Variants in HS3ST4 observed in about 807,000 individuals in gnomAD.
The protein encoded by HS3ST4 is heparan sulfate-glucosamine 3-sulfotransferase 4, also known as heparan sulfate glucosamine 3-O-sulfotransferase 4.
HS3ST4 carries 17 observed loss-of-function variants against 29.2 expected under a neutral mutation model. That is an observed-to-expected ratio of 0.58 (90% CI 0.40 to 0.87). The LOEUF is 0.87. Ranked by LOEUF, HS3ST4 falls within the 40% of genes least tolerant of loss-of-function variation. HS3ST4 has a pLI of 0.00. For missense variants in HS3ST4, 627 were observed against 634.5 expected (o/e 0.99, Z 0.13); for synonymous variants, 314 against 285.7 (o/e 1.10, Z -1.00).
At chr16:25,878,648 G>T (rs1213189968) in intron 1 of HS3ST4, among the ~76,000 whole-genome samples, 4 of 152,130 alleles carry the variant, frequency 2.6e-5, no homozygotes, top group Non-Finnish European at 5.9e-5. Flanking sequence ...GATGGTTGTT[G>T]GGACCCAAGG....
At chr16:26,102,072 AAACATT>A (rs1898996541) in intron 1 of HS3ST4, among the ~76,000 whole-genome samples, 1 of 152,202 alleles carries the variant, frequency 6.6e-6, no homozygotes, top group Non-Finnish European at 1.5e-5. Flanking sequence ...AACAGAAAGA[AAACATT>A]GTATTATACA....
chr16:25,802,672 T>G (rs904352310), intron 1 of HS3ST4, among the ~76,000 whole-genome samples: 8 of 152,080 alleles, frequency 5.3e-5, no homozygotes, highest in Non-Finnish European at 1.0e-4. Flanking sequence ...GATTACTGTT[T>G]AAGGACTTAA....
At chr16:25,740,534 A>G (rs868800457) in intron 1 of HS3ST4, among the ~76,000 whole-genome samples, 1 of 152,214 alleles carries the variant, frequency 6.6e-6, no homozygotes, top group Non-Finnish European at 1.5e-5. Flanking sequence ...GAAGGACAGC[A>G]ATGAATAACA....
At chr16:26,127,231 A>G (rs901394139) in intron 1 of HS3ST4, among the ~76,000 whole-genome samples, 2 of 152,164 alleles carry the variant, frequency 1.3e-5, no homozygotes, top group Non-Finnish European at 2.9e-5. Flanking sequence ...TCATTGGGAA[A>G]ATCAAAGCCA....
intron 1 of HS3ST4, among the ~76,000 whole-genome samples, chr16:26,062,106 AT>A (rs1898483097): frequency 6.6e-6 from 1 of 152,202 alleles, no homozygotes; most frequent in South Asian, 2.1e-4. Flanking sequence ...GGACAAAAAG[AT>A]TAATGAGCTT....
chr16:26,099,219 G>C (rs1313185248), intron 1 of HS3ST4, among the ~76,000 whole-genome samples: 2 of 152,186 alleles, frequency 1.3e-5, no homozygotes, highest in Non-Finnish European at 2.9e-5. Flanking sequence ...CAATGGTGCA[G>C]TCACAGTTTA....
At chr16:25,778,790 C>T (rs542834500) in intron 1 of HS3ST4, among the ~76,000 whole-genome samples, 21 of 151,852 alleles carry the variant, frequency 1.4e-4, no homozygotes, top group African/African-American at 3.9e-4. Flanking sequence ...GAGATGAAGA[C>T]GAAGGAGAAG....
intron 1 of HS3ST4, among the ~76,000 whole-genome samples, chr16:25,700,358 G>A (rs1243161804): frequency 6.6e-6 from 1 of 152,190 alleles, no homozygotes; most frequent in African/African-American, 2.4e-5. Context: ...CATTTAGGAT[G>A]CCAGGAGCCT....
chr16:25,929,871 G>C (rs1416544391), intron 1 of HS3ST4, among the ~76,000 whole-genome samples: 2 of 152,172 alleles, frequency 1.3e-5, no homozygotes, highest in Non-Finnish European at 2.9e-5. Flanking sequence ...TGCGTCATGG[G>C]CTTTTGTTGT....
intron 1 of HS3ST4, among the ~76,000 whole-genome samples, chr16:25,750,935 A>G (rs1455072135): frequency 1.3e-5 from 2 of 151,998 alleles, no homozygotes; most frequent in Non-Finnish European, 2.9e-5. Context: ...TTTCATTTAG[A>G]TTGTTGTTAT....
chr16:25,903,613 G>T (rs927504283), intron 1 of HS3ST4, among the ~76,000 whole-genome samples: 1 of 152,012 alleles, frequency 6.6e-6, no homozygotes, highest in East Asian at 1.9e-4. Flanking sequence ...GAGCATACTT[G>T]TCCACATCTT....
chr16:26,085,899 A>AATAATC (rs1230656283), intron 1 of HS3ST4, among the ~76,000 whole-genome samples: 1 of 150,054 alleles, frequency 6.7e-6, no homozygotes, highest in African/African-American at 2.4e-5. Context: ...TAATAATAAT[A>AATAATC]ATAATAATAA....
chr16:25,946,707 G>A (rs993940798), intron 1 of HS3ST4, among the ~76,000 whole-genome samples: 9 of 152,166 alleles, frequency 5.9e-5, no homozygotes, highest in Non-Finnish European at 1.2e-4. Context: ...TGTAACAGAA[G>A]TGCATGGTGC....
intron 1 of HS3ST4, among the ~76,000 whole-genome samples, chr16:26,024,934 C>A (rs1369327609): frequency 6.6e-6 from 1 of 152,158 alleles, no homozygotes; most frequent in East Asian, 1.9e-4. Flanking sequence ...GCATGGCCAG[C>A]AAAGCACTTG....
chr16:26,018,450 G>A (rs948376466), intron 1 of HS3ST4, among the ~76,000 whole-genome samples: 1 of 152,036 alleles, frequency 6.6e-6, no homozygotes, highest in Non-Finnish European at 1.5e-5. Flanking sequence ...ATTTTTTCTC[G>A]GCATTTACTG....
intron 1 of HS3ST4, among the ~76,000 whole-genome samples, chr16:26,016,629 T>A (rs763469433): frequency 4.6e-5 from 7 of 152,194 alleles, no homozygotes; most frequent in Non-Finnish European, 1.0e-4. Flanking sequence ...GTACTTACCA[T>A]CTGTTTATGG....
chr16:25,725,514 G>C (rs1036394492), intron 1 of HS3ST4, among the ~76,000 whole-genome samples: 13 of 152,020 alleles, frequency 8.6e-5, no homozygotes, highest in Admixed American at 8.5e-4. Flanking sequence ...TTAACCCAGT[G>C]ATATATGCCA....
chr16:26,029,639 T>A (rs1596655725), intron 1 of HS3ST4, among the ~76,000 whole-genome samples: 2 of 152,140 alleles, frequency 1.3e-5, no homozygotes, highest in African/African-American at 2.4e-5. Context: ...TCTCAAACTC[T>A]TGACCTTTTG....
At chr16:26,003,894 C>T (rs892722113) in intron 1 of HS3ST4, among the ~76,000 whole-genome samples, 11 of 152,208 alleles carry the variant, frequency 7.2e-5, no homozygotes, top group Middle Eastern at 3.4e-3. Context: ...CCTGGTGCCT[C>T]CAAGTCCTGG....
Sources: allele counts gnomAD v4.1 joint callset (sites outside exome capture counted in the v4.1 genomes callset), GRCh38; gene constraint gnomAD v4.1.1; transcripts MANE v1.5; gene names NCBI Gene and HGNC (gene_info 2026-07-23, HGNC 2026-07-21).